The following SPAG16 variants were observed in gnomAD, a reference collection of about 807,000 sequenced individuals.
SPAG16 encodes sperm-associated antigen 16 protein.
A neutral mutation model predicts 80.4 loss-of-function variants in SPAG16; 86 were observed. That is an observed-to-expected ratio of 1.07 (90% confidence interval 0.90 to 1.28). The LOEUF (loss-of-function observed/expected upper bound fraction) is 1.28, where lower values mean the gene tolerates loss of function less well. SPAG16 is among the 50% of genes most tolerant of loss of function. SPAG16 has a pLI of 0.00. For missense variants in SPAG16, 870 were observed against 765.3 expected, an observed-to-expected ratio of 1.14 and a Z score of -1.61; for synonymous variants, 294 against 265.9, an observed-to-expected ratio of 1.11 and a Z score of -1.03.
intron 15 of SPAG16, among the ~76,000 whole-genome samples, chr2:214,315,332 C>T (rs897280136): frequency 6.6e-6 from 1 of 152,014 alleles, no homozygotes; most frequent in Non-Finnish European, 1.5e-5. Context: ...AATATGTTTG[C>T]TACTGCTGGT....
chr2:213,515,606 A>G (rs191568658), intron 10 of SPAG16, among the ~76,000 whole-genome samples: 1 of 152,280 alleles, frequency 6.6e-6, no homozygotes, highest in African/African-American at 2.4e-5. Flanking sequence ...GTTTGGTTCT[A>G]TACTTATGCC....
At chr2:214,327,691 T>G (rs1026006211) in intron 15 of SPAG16, among the ~76,000 whole-genome samples, 4 of 69,242 alleles carry the variant, frequency 5.8e-5, no homozygotes, top group Admixed American at 2.6e-4. Context: ...ATTCTAGATA[T>G]CAAATTTTTT....
At chr2:213,893,924 GAACTT>G (rs2076890229) in intron 11 of SPAG16, among the ~76,000 whole-genome samples, 1 of 152,090 alleles carries the variant, frequency 6.6e-6, no homozygotes, top group African/African-American at 2.4e-5. Flanking sequence ...GAATGTAAAT[GAACTT>G]AATTATCCAA....
intron 10 of SPAG16, among the ~76,000 whole-genome samples, chr2:213,742,604 G>C (rs944298927): frequency 6.7e-6 from 1 of 148,756 alleles, no homozygotes; most frequent in African/African-American, 2.5e-5. Flanking sequence ...CCAGGCTGGA[G>C]TGCGTGGCGC....
chr2:213,678,082 C>G (rs1367635659), intron 10 of SPAG16, among the ~76,000 whole-genome samples: 1 of 151,992 alleles, frequency 6.6e-6, no homozygotes, highest in Non-Finnish European at 1.5e-5. Flanking sequence ...AGAACAAAGA[C>G]ACAACATACC....
intron 1 of SPAG16, among the ~76,000 whole-genome samples, chr2:213,295,323 A>C (rs2126067949): frequency 6.6e-6 from 1 of 152,238 alleles, no homozygotes; most frequent in South Asian, 2.1e-4. Flanking sequence ...TTCATATGTA[A>C]TTAGAGTAAC....
intron 10 of SPAG16, among the ~76,000 whole-genome samples, chr2:213,729,560 A>C (rs562607238): frequency 6.6e-6 from 1 of 152,340 alleles, no homozygotes; most frequent in East Asian, 1.9e-4. Context: ...TTATCTTGAC[A>C]GTGACCCAAT....
At chr2:214,224,007 A>G (rs2058643156) in intron 15 of SPAG16, among the ~76,000 whole-genome samples, 3 of 152,190 alleles carry the variant, frequency 2.0e-5, no homozygotes, top group Admixed American at 6.6e-5. Flanking sequence ...TTCTGCAGAA[A>G]GGTAAGCTGT....
At chr2:213,719,634 A>G (rs1357154577) in intron 10 of SPAG16, among the ~76,000 whole-genome samples, 2 of 152,172 alleles carry the variant, frequency 1.3e-5, no homozygotes, top group Non-Finnish European at 2.9e-5. Flanking sequence ...AATTCTGGAC[A>G]CAATACCATC....
chr2:214,197,355 T>A (rs532523401), intron 15 of SPAG16, among the ~76,000 whole-genome samples: 1 of 152,134 alleles, frequency 6.6e-6, no homozygotes, highest in Admixed American at 6.6e-5. Context: ...TTAAAGGCTG[T>A]TAGCTTTATT....
chr2:213,950,051 A>C (rs2079667200), intron 12 of SPAG16, among the ~76,000 whole-genome samples: 1 of 152,182 alleles, frequency 6.6e-6, no homozygotes, highest in Non-Finnish European at 1.5e-5. Flanking sequence ...ATGAACTGAC[A>C]CATATTTCTT....
At chr2:213,736,148 T>C (rs1236517757) in intron 10 of SPAG16, among the ~76,000 whole-genome samples, 1 of 152,234 alleles carries the variant, frequency 6.6e-6, no homozygotes, top group Non-Finnish European at 1.5e-5. Context: ...TAAAAGGCAC[T>C]GTCATTCTGT....
At chr2:213,291,564 A>G (rs1166484157) in intron 1 of SPAG16, among the ~76,000 whole-genome samples, 2 of 151,920 alleles carry the variant, frequency 1.3e-5, no homozygotes, top group South Asian at 2.1e-4. Flanking sequence ...GCTCTTTTCT[A>G]CTTCTCTTTC....
At chr2:213,612,934 A>G (rs2061484520) in intron 10 of SPAG16, among the ~76,000 whole-genome samples, 1 of 152,088 alleles carries the variant, frequency 6.6e-6, no homozygotes, top group Admixed American at 6.6e-5. Flanking sequence ...TGACCTCCCA[A>G]AGTGCTGGGA....
At chr2:213,458,559 A>G (rs904584129) in intron 9 of SPAG16, among the ~76,000 whole-genome samples, 3 of 152,190 alleles carry the variant, frequency 2.0e-5, no homozygotes, top group Non-Finnish European at 4.4e-5. Flanking sequence ...GCAACAGAGT[A>G]AGACTCAGTC....
chr2:214,317,575 A>G (rs1695778153), intron 15 of SPAG16, among the ~76,000 whole-genome samples: 1 of 152,228 alleles, frequency 6.6e-6, no homozygotes, highest in South Asian at 2.1e-4. Flanking sequence ...AAAATAATGT[A>G]AAAAATGGAA....
At chr2:213,407,212 G>T (rs963222364) in intron 9 of SPAG16, among the ~76,000 whole-genome samples, 10 of 152,290 alleles carry the variant, frequency 6.6e-5, no homozygotes, top group Non-Finnish European at 5.9e-5. Context: ...CCTTGGCGGA[G>T]CGGCCAGAGA....
In SPAG16 at chr2:213,891,408, C is replaced by T. The variant is rs2076781650; in HGVS notation, c.1214+28780C>T. Among the ~76,000 whole-genome samples the T allele has an allele frequency of 2.0e-5, 3 of 151,894 alleles. No individual in the cohort carries two copies. The South Asian group carries it at 6.2e-4, about 32-fold the overall frequency. ...AGATACCAACCATAATACCTAATAC[C>T]TAAGTAGGCAGAGCTGTAGATACAA... On this transcript the variant is annotated intron_variant, in intron 11 of 15. Coordinates refer to ENST00000331683, the MANE Select transcript of SPAG16 (RefSeq NM_024532.5).
At chr2:213,487,159 A>G (rs1575721248) in intron 9 of SPAG16, among the ~76,000 whole-genome samples, 1 of 152,088 alleles carries the variant, frequency 6.6e-6, no homozygotes, top group African/African-American at 2.4e-5. Flanking sequence ...TTTAAAATAA[A>G]CATGAGTGCC....
Sources: gnomAD v4.1 joint callset for allele counts (sites outside exome capture counted in the v4.1 genomes callset) on GRCh38, gnomAD v4.1.1 for gene constraint, MANE v1.5 for transcripts, NCBI Gene and HGNC (gene_info 2026-07-23, HGNC 2026-07-21) for gene names.